The following TTC34 variants were observed in gnomAD, a reference collection of about 807,000 sequenced individuals.
TTC34 encodes tetratricopeptide repeat protein 34.
Under a neutral mutation model 40.7 loss-of-function variants are expected in TTC34, and 44 were observed. That is an observed-to-expected ratio of 1.08 (90% CI 0.85 to 1.39). TTC34 has a LOEUF of 1.39. Ranked by LOEUF, TTC34 falls within the 40% of genes most tolerant of loss-of-function variation. TTC34 has a pLI of 0.00. For synonymous variants in TTC34, 422 were observed against 398.6 expected (o/e 1.06, Z -0.70); for missense variants, 884 against 838.0 (o/e 1.05, Z -0.68).
In TTC34 at chr1:2,775,356, G is replaced by C. The variant is rs576386957; in HGVS notation, c.2226+8253C>G. 4.3e-4 allele frequency: 64 copies of C among 149,440 alleles called. 1 individual carries two copies. Among genetic ancestry groups the C allele is most frequent in the African/African-American group, 1.6e-3 (63 of 39,480 alleles). 9.3% of individuals were successfully genotyped at this position (149,440 alleles called of 1,614,324 possible). On this transcript the variant is annotated intron_variant, in intron 6 of 8. Transcript: ENST00000401095. The stretch of plus-strand genomic sequence containing the variant: ...CCTGGAACAGAACCCCGCTCTTCCA[G>C]GTGAGAATATGACAGAATAAAGCAG...
At chr1:2,675,573 G>T (rs1639880480) in intron 6 of TTC34, among the ~76,000 whole-genome samples, 1 of 143,348 alleles carries the variant, frequency 7.0e-6, no homozygotes, top group Non-Finnish European at 1.5e-5. Context: ...CCCAAGGCGA[G>T]CATCTGACGG....
intron 6 of TTC34, among the ~76,000 whole-genome samples, chr1:2,652,386 G>T (rs1639171500): frequency 4.0e-3 from 581 of 146,746 alleles, no homozygotes; most frequent in South Asian, 6.4e-3. Flanking sequence ...GCATCTGACA[G>T]CCTGGAGCAG....
intron 6 of TTC34, among the ~76,000 whole-genome samples, chr1:2,748,218 C>T (rs1213932364): frequency 1.1e-5 from 1 of 92,622 alleles, no homozygotes; most frequent in Non-Finnish European, 2.0e-5. Context: ...GAGCATCTGA[C>T]AGCCTGGAAC....
chr1:2,767,989 T>G (rs892248245), intron 6 of TTC34, among the ~76,000 whole-genome samples: 43 of 149,936 alleles, frequency 2.9e-4, no homozygotes, highest in African/African-American at 7.6e-4. Context: ...TGTGACTGCG[T>G]GGAACAGCAC....
At chr1:2,648,086 G>A (rs539505945) in intron 6 of TTC34, among the ~76,000 whole-genome samples, 48 of 151,152 alleles carry the variant, frequency 3.2e-4, no homozygotes, top group African/African-American at 1.1e-3. Flanking sequence ...ACATGTTTAT[G>A]TCACTGCTTT....
intron 6 of TTC34, among the ~76,000 whole-genome samples, chr1:2,779,762 A>T (rs184585644): frequency 6.6e-6 from 1 of 152,156 alleles, no homozygotes; most frequent in Admixed American, 6.5e-5. Context: ...CTTTTTAAAA[A>T]CTTCATAGTA....
intron 6 of TTC34, among the ~76,000 whole-genome samples, chr1:2,695,564 T>G: frequency 7.8e-5 from 3 of 38,572 alleles, no homozygotes; most frequent in Non-Finnish European, 5.3e-5. Flanking sequence ...CACCCCAGGG[T>G]GAGGATCAGA....
At chr1:2,755,970 G>A (rs1641491698) in intron 6 of TTC34, among the ~76,000 whole-genome samples, 1 of 75,726 alleles carries the variant, frequency 1.3e-5, no homozygotes. Context: ...TGACAGCCTG[G>A]AACAGCACCC....
intron 2 of TTC34, among the ~76,000 whole-genome samples, chr1:2,798,360 C>T (rs1311747980): frequency 1.3e-5 from 1 of 74,754 alleles, no homozygotes. Context: ...CTCCCCAGCC[C>T]CCCAGCCTCC....
intron 6 of TTC34, among the ~76,000 whole-genome samples, chr1:2,698,915 A>AGCACCCGGCACCCCCAG: frequency 1.3e-5 from 1 of 79,954 alleles, no homozygotes; most frequent in Non-Finnish European, 2.8e-5. Flanking sequence ...GACAGCCTGG[A>AGCACCCGGCACCCCCAG]GTAGTATCCT....
At chr1:2,772,595 G>A (rs565744447) in intron 6 of TTC34, among the ~76,000 whole-genome samples, 1 of 25,772 alleles carries the variant, frequency 3.9e-5, no homozygotes, top group African/African-American at 1.1e-4. Flanking sequence ...CCGACAGCCT[G>A]GAGCAGCACC....
chr1:2,695,799 C>T (rs1351592699), intron 6 of TTC34, among the ~76,000 whole-genome samples: 106 of 135,648 alleles, frequency 7.8e-4, no homozygotes, highest in South Asian at 1.5e-3. Flanking sequence ...CGCACACCCC[C>T]AGTTGAGCAT....
intron 3 of TTC34, among the ~76,000 whole-genome samples, chr1:2,788,311 TTGTGTGTTGTA>T (rs1238697842): frequency 6.6e-6 from 1 of 151,386 alleles, no homozygotes; most frequent in African/African-American, 2.4e-5. Context: ...TATGTACATG[TTGTGTGTTGTA>T]TGTGTGTTAT....
intron 6 of TTC34, among the ~76,000 whole-genome samples, chr1:2,773,123 G>T (rs1187123499): frequency 6.4e-4 from 95 of 148,774 alleles, no homozygotes; most frequent in African/African-American, 2.3e-3. Context: ...TGACAGCCTG[G>T]AGCAGCACAC....
chr1:2,750,269 G>GAAC (rs1569688638), intron 6 of TTC34, among the ~76,000 whole-genome samples: 1 of 128,462 alleles, frequency 7.8e-6, no homozygotes, highest in Admixed American at 7.9e-5. Context: ...TGACAGCCTG[G>GAAC]AAAAGAGCCC....
chr1:2,768,400 C>A (rs1203706657), intron 6 of TTC34, among the ~76,000 whole-genome samples: 1 of 151,642 alleles, frequency 6.6e-6, no homozygotes, highest in South Asian at 2.1e-4. Context: ...TATGACAGCC[C>A]GGAACAACAC....
chr1:2,684,338 T>G (rs1240734067), intron 6 of TTC34, among the ~76,000 whole-genome samples: 1 of 27,640 alleles, frequency 3.6e-5, no homozygotes, highest in Non-Finnish European at 8.0e-5. Flanking sequence ...ATCTGATGGT[T>G]TGCAGCAGCA....
At chr1:2,784,980 C>T (rs931299087) in intron 5 of TTC34, among the ~76,000 whole-genome samples, 14 of 27,178 alleles carry the variant, frequency 5.2e-4, no homozygotes, top group Non-Finnish European at 6.6e-4. Flanking sequence ...CACTCTGGGC[C>T]GCTCTGGGCT....
intron 6 of TTC34, among the ~76,000 whole-genome samples, chr1:2,683,626 C>T (rs549879573): frequency 7.7e-4 from 115 of 148,684 alleles, no homozygotes; most frequent in African/African-American, 2.8e-3. Context: ...TTCAGCAGCA[C>T]CCACACCCCC....
Sources: gnomAD v4.1 joint callset for allele counts (sites outside exome capture counted in the v4.1 genomes callset) on GRCh38, gnomAD v4.1.1 for gene constraint, MANE v1.5 for transcripts, NCBI Gene and HGNC (gene_info 2026-07-23, HGNC 2026-07-21) for gene names.